ARHGAP39: variants seen among roughly 807,000 people sequenced by gnomAD.
ARHGAP39 encodes Rho GTPase activating protein 39.
Under a neutral mutation model 106.9 loss-of-function variants are expected in ARHGAP39, and 44 were observed. The observed-to-expected ratio is 0.41, with a 90% CI of 0.32 to 0.53. The LOEUF (loss-of-function observed/expected upper bound fraction) is 0.53. ARHGAP39 is among the 20% of genes least tolerant of loss of function. The pLI, the probability that ARHGAP39 is intolerant of heterozygous loss-of-function variation, is 0.21. For missense variants in ARHGAP39, 1,496 were observed against 1,577.3 expected, an observed-to-expected ratio of 0.95 and a Z score of 0.87; for synonymous variants, 768 against 693.2, an observed-to-expected ratio of 1.11 and a Z score of -1.69.
chr8:144,598,284 C>A (rs1330572004), intron 2 of ARHGAP39, among the ~76,000 whole-genome samples: 1 of 151,680 alleles, frequency 6.6e-6, no homozygotes. Flanking sequence ...AAAGGGGAAA[C>A]TCGGAACCCA....
chr8:144,597,936 A>T (rs1187486972), intron 2 of ARHGAP39, among the ~76,000 whole-genome samples: 1 of 152,188 alleles, frequency 6.6e-6, no homozygotes, highest in East Asian at 1.9e-4. Context: ...GCTAAAAAAG[A>T]TGATTAAATG....
chr8:144,611,337 A>G (rs1746757454), intron 1 of ARHGAP39, among the ~76,000 whole-genome samples: 1 of 152,220 alleles, frequency 6.6e-6, no homozygotes, highest in African/African-American at 2.4e-5. Context: ...CTGGAAAAGA[A>G]CGTGCTGCCG....
At chr8:144,697,759 TG>T in the ARHGAP39 span, among the ~76,000 whole-genome samples, 1 of 152,226 alleles carries the variant, frequency 6.6e-6, no homozygotes, top group African/African-American at 2.4e-5. Flanking sequence ...CCCAATGTGC[TG>T]GGATTACAGG....
At chr8:144,636,053 T>C (rs1821166595) in intron 1 of ARHGAP39, among the ~76,000 whole-genome samples, 1 of 149,354 alleles carries the variant, frequency 6.7e-6, no homozygotes, top group African/African-American at 2.5e-5. Context: ...GGCTGAGCAC[T>C]TACCCGGTGG....
chr8:144,568,325 C>T (rs1273949531), intron 3 of ARHGAP39, among the ~76,000 whole-genome samples: 3 of 90,384 alleles, frequency 3.3e-5, no homozygotes. Context: ...CAGAGTGAGA[C>T]TCTGTCTCAA....
chr8:144,551,898 C>T (rs532782216), intron 4 of ARHGAP39, among the ~76,000 whole-genome samples: 2 of 152,236 alleles, frequency 1.3e-5, no homozygotes, highest in South Asian at 2.1e-4. Context: ...CCCCTCTTCC[C>T]GAGCCCAGCT....
At chr8:144,535,781 C>T (rs1056155473) in intron 7 of ARHGAP39, among the ~76,000 whole-genome samples, 8 of 151,838 alleles carry the variant, frequency 5.3e-5, no homozygotes, top group Non-Finnish European at 7.3e-5. Context: ...CTGGGGCCAC[C>T]GCCTCTCAGC....
At chr8:144,624,350 A>G (rs1820885957) in intron 1 of ARHGAP39, among the ~76,000 whole-genome samples, 1 of 14,392 alleles carries the variant, frequency 6.9e-5, no homozygotes, top group Non-Finnish European at 1.6e-4. Context: ...ATAATTTTAT[A>G]TGAATAAAGA....
At chr8:144,571,699 T>C (rs1310463623) in intron 3 of ARHGAP39, among the ~76,000 whole-genome samples, 1 of 152,174 alleles carries the variant, frequency 6.6e-6, no homozygotes, top group Non-Finnish European at 1.5e-5. Flanking sequence ...GAAGTCAAAT[T>C]GTCCCTGTTT....
chr8:144,615,802 G>A (rs903051166), intron 1 of ARHGAP39, among the ~76,000 whole-genome samples: 4 of 152,240 alleles, frequency 2.6e-5, no homozygotes, highest in South Asian at 2.1e-4. Context: ...CATTCTCCCC[G>A]CCCAGTGCCT....
chr8:144,530,397 T>G lies in ARHGAP39; in HGVS notation c.*25A>C, dbSNP rs1052034699. On this transcript the variant is annotated 3_prime_UTR_variant, in exon 12 of 12. Coordinates refer to ENST00000377307, the MANE Select transcript of ARHGAP39 (RefSeq NM_025251.3). ...CGGCCTGGCTGGGGGCGGCAGGACATCCCTCCTGTCCCCGGGCGCCCCCGC... is the reference window on the plus strand; with the variant it reads ...CGGCCTGGCTGGGGGCGGCAGGACAGCCCTCCTGTCCCCGGGCGCCCCCGC... 5 of 1,569,366 alleles carry G rather than the reference T, an allele frequency of 3.2e-6. No homozygotes were observed. Among genetic ancestry groups the G allele is most frequent in the Middle Eastern group, 1.7e-4 (1 of 5,732 alleles).
At chr8:144,576,361 C>T (rs1395412894) in intron 3 of ARHGAP39, among the ~76,000 whole-genome samples, 12 of 136,148 alleles carry the variant, frequency 8.8e-5, no homozygotes, top group Admixed American at 1.5e-4. Flanking sequence ...AAAAAAAGAA[C>T]GAAAAAAAAC....
intron 2 of ARHGAP39, among the ~76,000 whole-genome samples, chr8:144,601,111 T>C (rs1262862615): frequency 1.5e-5 from 2 of 135,698 alleles, no homozygotes; most frequent in African/African-American, 5.6e-5. Flanking sequence ...TGTGACCTCA[T>C]GTACCTGTGT....
chr8:144,678,895 C>A (rs1435701158), intron 1 of ARHGAP39, among the ~76,000 whole-genome samples: 1 of 152,036 alleles, frequency 6.6e-6, no homozygotes, highest in East Asian at 1.9e-4. Context: ...GGCAGGAGAG[C>A]CCCAGGAGGT....
At chr8:144,686,995 G>T (rs1472264487), upstream of ARHGAP39, among the ~76,000 whole-genome samples, 6 of 68,768 alleles carry the variant, frequency 8.7e-5, no homozygotes, top group Admixed American at 4.3e-4. Flanking sequence ...ACCACACACT[G>T]GCGGCGACCA....
chr8:144,659,801 A>C (rs1334283974), intron 1 of ARHGAP39, among the ~76,000 whole-genome samples: 1 of 152,116 alleles, frequency 6.6e-6, no homozygotes, highest in South Asian at 2.1e-4. Flanking sequence ...TGAGGGGTCC[A>C]CTTATTCAAG....
intron 1 of ARHGAP39, among the ~76,000 whole-genome samples, chr8:144,613,200 A>G (rs1052605944): frequency 2.6e-5 from 4 of 152,138 alleles, no homozygotes; most frequent in African/African-American, 9.7e-5. Context: ...ATTTCTGTAT[A>G]TGTTATAAAT....
At chr8:144,534,432 G>C (rs573671193) in intron 7 of ARHGAP39, among the ~76,000 whole-genome samples, 2 of 152,308 alleles carry the variant, frequency 1.3e-5, no homozygotes, top group South Asian at 2.1e-4. Context: ...GGGAGGAACC[G>C]CCTGGCAGCT....
intron 3 of ARHGAP39, among the ~76,000 whole-genome samples, chr8:144,565,620 T>A (rs1188567922): frequency 6.6e-6 from 1 of 151,532 alleles, no homozygotes; most frequent in Non-Finnish European, 1.5e-5. Flanking sequence ...ACCCAGGAGG[T>A]AGAGGTGCAG....
Sources: gnomAD v4.1 joint callset for allele counts (sites outside exome capture counted in the v4.1 genomes callset) on GRCh38, gnomAD v4.1.1 for gene constraint, MANE v1.5 for transcripts, NCBI Gene and HGNC (gene_info 2026-07-23, HGNC 2026-07-21) for gene names.